Variants in ESRP1 observed in about 807,000 individuals in gnomAD.
ESRP1 encodes the protein RNA-binding motif protein 35A.
ESRP1 carries 33 observed loss-of-function variants against 81.7 expected under a neutral mutation model. That is an observed-to-expected ratio of 0.40 (90% CI 0.31 to 0.54). The LOEUF (loss-of-function observed/expected upper bound fraction) is 0.54. Ranked by LOEUF, ESRP1 falls within the 20% of genes least tolerant of loss-of-function variation. The probability of loss-of-function intolerance (pLI) is 0.41; values close to 1 mark genes in which losing one functional copy is unlikely to be tolerated. For missense variants in ESRP1, 672 were observed against 833.1 expected (o/e 0.81, Z 2.38); for synonymous variants, 320 against 303.3 (o/e 1.06, Z -0.57).
chr8:94,676,415 TG>T (rs1255195509), intron 12 of ESRP1, among the ~76,000 whole-genome samples: 1 of 152,158 alleles, frequency 6.6e-6, no homozygotes, highest in African/African-American at 2.4e-5. Flanking sequence ...CCAATCTATT[TG>T]GTTATCGAAA....
chr8:94,676,163 C>T (rs1819575501), intron 12 of ESRP1, among the ~76,000 whole-genome samples: 1 of 152,086 alleles, frequency 6.6e-6, no homozygotes, highest in African/African-American at 2.4e-5. Flanking sequence ...CACATAAGGT[C>T]AGGAGTGGCC....
At chr8:94,663,614 C>T (rs768303408) in intron 6 of ESRP1, among the ~76,000 whole-genome samples, 24 of 152,170 alleles carry the variant, frequency 1.6e-4, no homozygotes, top group Non-Finnish European at 2.5e-4. Context: ...TGTTAGTGAT[C>T]GCAGGTAGAC....
At chr8:94,645,434 A>G (rs1817798868) in intron 3 of ESRP1, among the ~76,000 whole-genome samples, 1 of 152,072 alleles carries the variant, frequency 6.6e-6, no homozygotes, top group Non-Finnish European at 1.5e-5. Flanking sequence ...TAAGAAAAAA[A>G]AAAACAAAGG....
At chr8:94,700,819 C>G (rs1426024177) in intron 15 of ESRP1, among the ~76,000 whole-genome samples, 1 of 151,856 alleles carries the variant, frequency 6.6e-6, no homozygotes, top group Non-Finnish European at 1.5e-5. Flanking sequence ...GCCCCAGCTA[C>G]TCGGGAGGCT....
intron 4 of ESRP1, among the ~76,000 whole-genome samples, chr8:94,658,620 G>A (rs1818557573): frequency 6.6e-6 from 1 of 152,118 alleles, no homozygotes; most frequent in Non-Finnish European, 1.5e-5. Flanking sequence ...TAATAGATGA[G>A]AGGAAAGCTT....
chr8:94,652,772 GA>G (rs1488918479), intron 4 of ESRP1, among the ~76,000 whole-genome samples: 1 of 152,102 alleles, frequency 6.6e-6, no homozygotes, highest in South Asian at 2.1e-4. Context: ...GAGGACAGGT[GA>G]AAAAAACTAT....
intron 9 of ESRP1, among the ~76,000 whole-genome samples, chr8:94,667,177 C>T (rs1202999846): frequency 6.6e-6 from 1 of 150,536 alleles, no homozygotes; most frequent in Non-Finnish European, 1.5e-5. Context: ...GAGACCGTGC[C>T]ACTGCACTCC....
At chr8:94,691,582 G>T (rs7842716) in intron 13 of ESRP1, among the ~76,000 whole-genome samples, 46,381 of 152,070 alleles carry the variant, frequency 0.3, 8,688 homozygotes, top group East Asian at 0.56. Flanking sequence ...AGTGATTTAA[G>T]CTTGCTGTGC....
Position 94,674,361 on chromosome 8 carries a change from T to C in ESRP1, c.1506T>C (p.Phe502=), listed in dbSNP as rs766698541. Residue 502 remains phenylalanine (F), a synonymous_variant, in exon 12 of 16, where the codon TTT becomes TTC. Coordinates refer to ENST00000433389, the MANE Select transcript of ESRP1 (RefSeq NM_017697.4). ...FIQMKSADRA[F]MAAQKCHKKN... is the part of the protein sequence containing the mutation. ...AGATGAAGTCTGCGGACAGAGCATTTATGGCTGCACAGAAGTGTCATAAAA... is the reference window on the plus strand; with the variant it reads ...AGATGAAGTCTGCGGACAGAGCATTCATGGCTGCACAGAAGTGTCATAAAA... The C allele has an allele frequency of 7.4e-6, 12 of 1,613,958 alleles. No homozygotes were observed. The highest frequency in any genetic ancestry group is 8.5e-6 in the Non-Finnish European group (10 of 1,179,884).
At position 94,653,215 on chromosome 8, in the gene ESRP1, T is replaced by TG. The variant is rs35498142; in HGVS notation, c.490+6939dup. On this transcript the variant is annotated intron_variant, in intron 4 of 15. Coordinates refer to ENST00000433389, the MANE Select transcript of ESRP1 (RefSeq NM_017697.4). The stretch of plus-strand genomic sequence containing the variant: ...AGGGTGTGTATATTTCATCACTTCT[T>TG]GGGGGGTGTAAAGGATTTGGGTGTG... Among the ~76,000 whole-genome samples, 6 of 152,180 alleles carry TG rather than the reference T, an allele frequency of 3.9e-5. No individual in the cohort carries two copies. The East Asian group carries it at 1.2e-3, about 29-fold the overall frequency.
intron 13 of ESRP1, among the ~76,000 whole-genome samples, chr8:94,691,988 A>G (rs1809419831): frequency 6.6e-6 from 1 of 152,226 alleles, no homozygotes; most frequent in African/African-American, 2.4e-5. Flanking sequence ...AAGTTGTCAC[A>G]TAAAGTTGGG....
At chr8:94,642,857 C>A (rs1290054572) in intron 2 of ESRP1, among the ~76,000 whole-genome samples, 1 of 152,160 alleles carries the variant, frequency 6.6e-6, no homozygotes, top group South Asian at 2.1e-4. Flanking sequence ...GAAAGCTATC[C>A]TTCCTGGGGT....
At chr8:94,662,235 T>C in intron 4 of ESRP1, 37 bp from the exon 5 acceptor site, 2 of 1,333,664 alleles carry the variant, frequency 1.5e-6, no homozygotes, top group Non-Finnish European at 2.1e-6. Context: ...AACCTGATTT[T>C]ACCTTTCCAA....
At chr8:94,666,933 T>A (rs1347390435) in intron 9 of ESRP1, among the ~76,000 whole-genome samples, 1 of 152,206 alleles carries the variant, frequency 6.6e-6, no homozygotes, top group African/African-American at 2.4e-5. Flanking sequence ...CTGGGCTTGG[T>A]GGCTCATGCC....
rs1819112443 is a variant in ESRP1 at position 94,668,006 on chromosome 8, T to A, written c.989T>A (p.Met330Lys). 1 of 1,613,312 alleles carries A rather than the reference T, an allele frequency of 6.2e-7. No individual in the cohort carries two copies. The highest frequency in any genetic ancestry group is 8.5e-7 in the Non-Finnish European group (1 of 1,179,426). Reference protein sequence around the residue: ...LSKENQVIVRMRGLPFTATAE... With the variant: ...LSKENQVIVRKRGLPFTATAE... ...AAGGAAAATCAAGTCATTGTCCGCA[T>A]GCGGGGGCTCCCTTTCACGGCCACA... Residue 330 changes from methionine to lysine, a missense_variant, in exon 10 of 16, where the codon ATG (methionine) becomes AAG (lysine). Transcript: ENST00000433389.
rs537938141 is a variant in ESRP1 at position 94,644,547 on chromosome 8, C to T, written c.375+1131C>T. Among the ~76,000 whole-genome samples, 7 of 152,212 alleles carry T rather than the reference C, an allele frequency of 4.6e-5. No individual in the cohort carries two copies. The East Asian group carries it at 5.8e-4, about 13-fold the overall frequency. On this transcript the variant is annotated intron_variant, in intron 3 of 15. Coordinates refer to ENST00000433389, the MANE Select transcript of ESRP1 (RefSeq NM_017697.4). Reference sequence around the variant, plus strand: ...TTAAAAAATTAAATGCTAGACTAGTCGCTACATCCTTACCAGAAATAGTAA... The same window carrying T: ...TTAAAAAATTAAATGCTAGACTAGTTGCTACATCCTTACCAGAAATAGTAA...
chr8:94,697,045 G>A (rs2130729015), intron 15 of ESRP1, 84 bp downstream of exon 15: 1 of 881,936 alleles, frequency 1.1e-6, no homozygotes. Flanking sequence ...TCAACTGAGA[G>A]AATCCTTCTT....
chr8:94,697,200 G>A (rs1809638733), intron 15 of ESRP1, among the ~76,000 whole-genome samples: 1 of 152,060 alleles, frequency 6.6e-6, no homozygotes, highest in Non-Finnish European at 1.5e-5. Context: ...TTTTCCCTTT[G>A]GACATTAATT....
intron 4 of ESRP1, among the ~76,000 whole-genome samples, chr8:94,652,779 A>T (rs1818209116): frequency 6.6e-6 from 1 of 152,164 alleles, no homozygotes; most frequent in African/African-American, 2.4e-5. Context: ...GGTGAAAAAA[A>T]CTATCAATTG....
Sources: gnomAD v4.1 joint callset for allele counts (sites outside exome capture counted in the v4.1 genomes callset) on GRCh38, gnomAD v4.1.1 for gene constraint, MANE v1.5 for transcripts, NCBI Gene and HGNC (gene_info 2026-07-23, HGNC 2026-07-21) for gene names.